Variants in CADPS observed in about 807,000 individuals in gnomAD.
CADPS encodes the protein calcium-dependent secretion activator 1.
A neutral mutation model predicts 167.3 loss-of-function variants in CADPS; 57 were observed. The observed-to-expected ratio is 0.34, with a 90% CI of 0.28 to 0.42. CADPS has a LOEUF of 0.42. Among genes scored for constraint, CADPS ranks in the 20% least tolerant of loss-of-function variants. The pLI is 1.00. For synonymous variants in CADPS, 676 were observed against 635.3 expected, an observed-to-expected ratio of 1.06 and a Z score of -0.96; for missense variants, 1,414 against 1,738.1, an observed-to-expected ratio of 0.81 and a Z score of 3.32.
chr3:62,641,491 G>C (rs2067405771), intron 6 of CADPS, among the ~76,000 whole-genome samples: 1 of 152,126 alleles, frequency 6.6e-6, no homozygotes, highest in Admixed American at 6.5e-5. Flanking sequence ...ATTTCAAAGA[G>C]AGTGGGAAAA....
In CADPS at chr3:62,602,025, T is replaced by C. The variant is rs2060044673; in HGVS notation, c.1326-9277A>G. Among the ~76,000 whole-genome samples, 2 of 152,256 alleles carry C rather than the reference T, an allele frequency of 1.3e-5. No homozygotes were observed. Among genetic ancestry groups the C allele is most frequent in the South Asian group, 4.1e-4 (2 of 4,822 alleles). ...GGAAGCCTCCTCAGACCATATGTTA[T>C]CAACAAATGTTGCTAATCAAATACA... On this transcript the variant is annotated intron_variant, in intron 6 of 29. Coordinates refer to ENST00000383710, the MANE Select transcript of CADPS (RefSeq NM_003716.4). The surrounding 1 kb of genome is among the most constrained non-coding windows in gnomAD (Gnocchi z 4.4).
intron 28 of CADPS, among the ~76,000 whole-genome samples, chr3:62,419,523 T>C (rs761268149): frequency 3.9e-5 from 6 of 152,164 alleles, no homozygotes; most frequent in Non-Finnish European, 7.3e-5. Context: ...ATTCCAGTTT[T>C]GGTGGCACAT....
intron 1 of CADPS, among the ~76,000 whole-genome samples, chr3:62,795,347 TA>T (rs1220190592): frequency 6.6e-6 from 1 of 152,010 alleles, no homozygotes; most frequent in Non-Finnish European, 1.5e-5. Context: ...TACTTACCAT[TA>T]AAAAAATACT....
intron 1 of CADPS, among the ~76,000 whole-genome samples, chr3:62,771,921 G>T (rs2088901645): frequency 6.6e-6 from 1 of 152,174 alleles, no homozygotes; most frequent in Non-Finnish European, 1.5e-5. Flanking sequence ...GGTCTCAGGA[G>T]AGGCAATGCT....
At chr3:62,798,691 C>CT (rs1559675555) in intron 1 of CADPS, among the ~76,000 whole-genome samples, 1 of 152,064 alleles carries the variant, frequency 6.6e-6, no homozygotes, top group African/African-American at 2.4e-5. Context: ...CCCTGTGAAG[C>CT]TTCCCTCAAT....
intron 11 of CADPS, among the ~76,000 whole-genome samples, chr3:62,542,262 C>T (rs1434267575): frequency 6.6e-6 from 1 of 152,120 alleles, no homozygotes; most frequent in Non-Finnish European, 1.5e-5. Flanking sequence ...ATAGCTAATG[C>T]AACTCTAAAG....
chr3:62,491,231 T>C lies in CADPS; in HGVS notation c.3026+108A>G, dbSNP rs1021901984. ...GTAGAAGAAATGTATGGTGTTTCTC[T>C]CTGTCCACAATAACAGTGAAACCCA... On this transcript the variant is annotated intron_variant, in intron 21 of 29. Transcript: ENST00000383710. The C allele has an allele frequency of 6.6e-6, 8 of 1,204,428 alleles. No homozygotes were observed. In the African/African-American group the frequency reaches 1.2e-4, roughly 18 times the overall value. The allele number at this position is 1,204,428 out of a possible 1,614,324, so 74.6% of individuals were successfully genotyped here.
chr3:62,454,412 G>C (rs1378428759), intron 26 of CADPS, among the ~76,000 whole-genome samples: 1 of 152,182 alleles, frequency 6.6e-6, no homozygotes. Flanking sequence ...ACTGGGCTCA[G>C]AGAGGTTAAG....
intron 28 of CADPS, among the ~76,000 whole-genome samples, chr3:62,410,796 T>A (rs1371413607): frequency 1.3e-5 from 2 of 152,036 alleles, no homozygotes; most frequent in Non-Finnish European, 2.9e-5. Context: ...CTACTCAGGG[T>A]TGTACAAAAC....
chr3:62,758,984 C>T (rs1344734656), intron 2 of CADPS, among the ~76,000 whole-genome samples: 1 of 152,166 alleles, frequency 6.6e-6, no homozygotes, highest in African/African-American at 2.4e-5. Flanking sequence ...AAAGCATATC[C>T]TTTCAATATA....
At chr3:62,728,978 A>G (rs1312775160) in intron 3 of CADPS, among the ~76,000 whole-genome samples, 1 of 151,866 alleles carries the variant, frequency 6.6e-6, no homozygotes, top group Non-Finnish European at 1.5e-5. Context: ...TCTCATCTAT[A>G]AAATGGTGGT....
At chr3:62,637,681 T>C (rs1160963753) in intron 6 of CADPS, among the ~76,000 whole-genome samples, 3 of 152,196 alleles carry the variant, frequency 2.0e-5, no homozygotes, top group Non-Finnish European at 2.9e-5. Context: ...CTAATTAAGT[T>C]ACTCTGTTTT....
intron 6 of CADPS, chr3:62,625,695 G>A (rs938885725): frequency 1.3e-5 from 2 of 150,778 alleles, no homozygotes; most frequent in African/African-American, 2.5e-5. Context: ...GACTATAGGT[G>A]TTGGCGGATA....
At chr3:62,491,535 C>CAACACACACACACACACACA in intron 20 of CADPS, 55 bp from the exon 21 acceptor site, 2 of 1,113,658 alleles carry the variant, frequency 1.8e-6, no homozygotes, top group African/African-American at 2.3e-5. Context: ...TATCAACGTA[C>CAACACACACACACACACACA]AACACACACA....
intron 1 of CADPS, among the ~76,000 whole-genome samples, chr3:62,855,898 A>C (rs2079585601): frequency 6.6e-6 from 1 of 152,152 alleles, no homozygotes; most frequent in Admixed American, 6.6e-5. Context: ...TTTCCCTAAA[A>C]ATTTTATTGT....
chr3:62,870,676 A>C (rs2082475180), intron 1 of CADPS, among the ~76,000 whole-genome samples: 1 of 152,186 alleles, frequency 6.6e-6, no homozygotes, highest in Admixed American at 6.5e-5. Flanking sequence ...ACACATGTAC[A>C]CTATACCTAT....
At chr3:62,437,711 C>A (rs555696295) in intron 28 of CADPS, among the ~76,000 whole-genome samples, 12 of 152,154 alleles carry the variant, frequency 7.9e-5, no homozygotes, top group Non-Finnish European at 1.5e-4. Flanking sequence ...GAGGCGCCAC[C>A]CCCAGGAGAG....
intron 3 of CADPS, among the ~76,000 whole-genome samples, chr3:62,706,865 G>A (rs994110005): frequency 4.6e-5 from 7 of 152,204 alleles, no homozygotes; most frequent in Admixed American, 1.3e-4. Context: ...GAAGCGGGGT[G>A]AGGGATGAGA....
chr3:62,813,616 G>GACCTAA (rs2094483450), intron 1 of CADPS, among the ~76,000 whole-genome samples: 1 of 152,010 alleles, frequency 6.6e-6, no homozygotes, highest in African/African-American at 2.4e-5. Context: ...TTGGTAATGG[G>GACCTAA]ACCTAATTAA....
Sources: allele counts gnomAD v4.1 joint callset (sites outside exome capture counted in the v4.1 genomes callset), GRCh38; gene constraint gnomAD v4.1.1; non-coding constraint Gnocchi (gnomAD v3.1); transcripts MANE v1.5; gene names NCBI Gene and HGNC (gene_info 2026-07-23, HGNC 2026-07-21).